EEPD1: variants seen among roughly 807,000 people sequenced by gnomAD.
The protein encoded by EEPD1 is endonuclease/exonuclease/phosphatase family domain containing 1, also known as endonuclease/exonuclease/phosphatase family domain-containing protein 1.
Under a neutral mutation model 46.3 loss-of-function variants are expected in EEPD1, and 17 were observed. The observed-to-expected ratio is 0.37, with a 90% confidence interval of 0.25 to 0.55. The LOEUF is 0.55. EEPD1 is among the 20% of genes least tolerant of loss of function. The probability of loss-of-function intolerance (pLI) is 0.83; values close to 1 mark genes in which losing one functional copy is unlikely to be tolerated. For missense variants in EEPD1, 673 were observed against 745.6 expected (o/e 0.90, Z 1.13); for synonymous variants, 313 against 315.6 (o/e 0.99, Z 0.09).
chr7:36,260,857 A>C (rs1350745396), intron 3 of EEPD1, among the ~76,000 whole-genome samples: 1 of 152,240 alleles, frequency 6.6e-6, no homozygotes, highest in African/African-American at 2.4e-5. Flanking sequence ...TTGCATCTCT[A>C]CTGAACTTGT....
chr7:36,197,095 CCGG>C (rs1161603215), intron 2 of EEPD1, among the ~76,000 whole-genome samples: 1 of 147,458 alleles, frequency 6.8e-6, no homozygotes, highest in African/African-American at 2.5e-5. Flanking sequence ...GCGTCTCTGC[CCGG>C]CCGCCCCATC....
At chr7:36,239,803 C>G (rs1454212606) in intron 3 of EEPD1, among the ~76,000 whole-genome samples, 1 of 152,100 alleles carries the variant, frequency 6.6e-6, no homozygotes, top group Non-Finnish European at 1.5e-5. Flanking sequence ...CAGGGGCCTC[C>G]CAGCTGATAC....
At chr7:36,200,890 G>C (rs555171575) in intron 2 of EEPD1, among the ~76,000 whole-genome samples, 2 of 152,298 alleles carry the variant, frequency 1.3e-5, no homozygotes, top group South Asian at 4.1e-4. Flanking sequence ...TCTGCAAGAT[G>C]CTTATTCATC....
chr7:36,186,361 C>T (rs2726062), intron 2 of EEPD1, among the ~76,000 whole-genome samples: 21,244 of 152,174 alleles, frequency 0.14, 1,764 homozygotes, highest in Non-Finnish European at 0.19. Context: ...GTCAGGGCCG[C>T]TCTTCTGACC....
At chr7:36,278,334 G>A (rs942636675) in intron 3 of EEPD1, among the ~76,000 whole-genome samples, 3 of 152,152 alleles carry the variant, frequency 2.0e-5, no homozygotes, top group Admixed American at 6.5e-5. Flanking sequence ...ATTGTCCTCA[G>A]GTATCTGAAG....
At chr7:36,214,973 C>G (rs2115733034) in intron 2 of EEPD1, among the ~76,000 whole-genome samples, 1 of 152,260 alleles carries the variant, frequency 6.6e-6, no homozygotes, top group East Asian at 1.9e-4. Context: ...AGGCTTGACT[C>G]TGATCTGCAC....
intron 2 of EEPD1, among the ~76,000 whole-genome samples, chr7:36,197,014 C>G (rs1785610442): frequency 6.6e-6 from 1 of 150,614 alleles, no homozygotes; most frequent in Non-Finnish European, 1.5e-5. Flanking sequence ...GGGAGCGCCT[C>G]TGCCCCGCCG....
At chr7:36,205,926 A>G (rs1247236553) in intron 2 of EEPD1, among the ~76,000 whole-genome samples, 1 of 152,224 alleles carries the variant, frequency 6.6e-6, no homozygotes, top group Non-Finnish European at 1.5e-5. Context: ...AAATAAGGAC[A>G]GGAATCTGCC....
chr7:36,276,896 C>T (rs1351855690), intron 3 of EEPD1, among the ~76,000 whole-genome samples: 1 of 152,242 alleles, frequency 6.6e-6, no homozygotes, highest in Non-Finnish European at 1.5e-5. Context: ...AGTAGTTGGG[C>T]TTTGCAGGCC....
At chr7:36,172,771 G>A (rs1785109531) in intron 2 of EEPD1, among the ~76,000 whole-genome samples, 1 of 150,568 alleles carries the variant, frequency 6.6e-6, no homozygotes, top group Non-Finnish European at 1.5e-5. Flanking sequence ...CCTTAAGTCA[G>A]TGTTTCTGTG....
chr7:36,192,110 T>C (rs1785471545), intron 2 of EEPD1, among the ~76,000 whole-genome samples: 1 of 152,260 alleles, frequency 6.6e-6, no homozygotes, highest in African/African-American at 2.4e-5. Context: ...AAGAAGGCAC[T>C]GGGCACCCAA....
chr7:36,278,178 C>T (rs1291831045), intron 3 of EEPD1, among the ~76,000 whole-genome samples: 1 of 152,112 alleles, frequency 6.6e-6, no homozygotes, highest in East Asian at 1.9e-4. Context: ...GTGACCAGCT[C>T]AAAAGACCAC....
intron 2 of EEPD1, among the ~76,000 whole-genome samples, chr7:36,219,109 C>G (rs1391798416): frequency 6.6e-6 from 1 of 151,974 alleles, no homozygotes; most frequent in African/African-American, 2.4e-5. Context: ...TTGTAACATA[C>G]TTTGAAATCC....
At chr7:36,227,983 C>G (rs567020535) in intron 2 of EEPD1, among the ~76,000 whole-genome samples, 1 of 152,054 alleles carries the variant, frequency 6.6e-6, no homozygotes, top group Non-Finnish European at 1.5e-5. Context: ...CCACCACACC[C>G]GGCCTAATCC....
At chr7:36,157,814 G>A (rs1456103810) in intron 2 of EEPD1, among the ~76,000 whole-genome samples, 1 of 152,168 alleles carries the variant, frequency 6.6e-6, no homozygotes, top group Non-Finnish European at 1.5e-5. Context: ...GGTATCAAAA[G>A]CTGTCACAGA....
At chr7:36,222,836 T>A (rs1786169973) in intron 2 of EEPD1, among the ~76,000 whole-genome samples, 1 of 152,166 alleles carries the variant, frequency 6.6e-6, no homozygotes, top group Non-Finnish European at 1.5e-5. Context: ...CCCAAAGGCC[T>A]CACCTCCTAA....
intron 3 of EEPD1, among the ~76,000 whole-genome samples, chr7:36,259,027 C>T (rs1786871802): frequency 6.6e-6 from 1 of 152,080 alleles, no homozygotes; most frequent in South Asian, 2.1e-4. Flanking sequence ...GTGGGAAAAG[C>T]ATAGTATCTG....
chr7:36,234,731 T>C (rs1786398857), intron 2 of EEPD1, among the ~76,000 whole-genome samples: 1 of 150,772 alleles, frequency 6.6e-6, no homozygotes, highest in South Asian at 2.1e-4. Flanking sequence ...TGCTTCAGAG[T>C]GGGCCTATTT....
intron 2 of EEPD1, among the ~76,000 whole-genome samples, chr7:36,218,152 G>C (rs545717278): frequency 1.6e-4 from 25 of 152,278 alleles, no homozygotes; most frequent in Admixed American, 3.9e-4. Context: ...GCCCAGGGCA[G>C]AGCCAGTATC....
Sources: allele counts gnomAD v4.1 joint callset (sites outside exome capture counted in the v4.1 genomes callset), GRCh38; gene constraint gnomAD v4.1.1; transcripts MANE v1.5; gene names NCBI Gene and HGNC (gene_info 2026-07-23, HGNC 2026-07-21).